PCM1: variants seen among roughly 807,000 people sequenced by gnomAD.
PCM1 encodes the protein pericentriolar material 1, also known as pericentriolar material 1 protein.
In PCM1, 157 loss-of-function variants were observed where a neutral mutation model predicts 241.9. The observed-to-expected ratio is 0.65, with a 90% CI of 0.57 to 0.74. PCM1 has a LOEUF of 0.74. Among genes scored for constraint, PCM1 ranks in the 30% least tolerant of loss-of-function variants. The probability of loss-of-function intolerance (pLI) is 0.00; values close to 1 mark genes in which losing one functional copy is unlikely to be tolerated. For synonymous variants in PCM1, 1,085 were observed against 784.9 expected (o/e 1.38, Z -6.39); for missense variants, 3,478 against 2,360.1 (o/e 1.47, Z -9.81).
chr8:17,998,676 G>A (rs975382112), intron 29 of PCM1, among the ~76,000 whole-genome samples: 8 of 152,096 alleles, frequency 5.3e-5, no homozygotes, highest in Non-Finnish European at 1.2e-4. Context: ...CCTGACTACC[G>A]CCTAAATTTG....
At chr8:17,946,548 G>A (rs1421228660) in intron 6 of PCM1, among the ~76,000 whole-genome samples, 1 of 151,542 alleles carries the variant, frequency 6.6e-6, no homozygotes, top group Admixed American at 6.6e-5. Flanking sequence ...CCAGGCTGGA[G>A]TGCAATGGTG....
chr8:17,973,535 A>C (rs2077571752), intron 23 of PCM1, among the ~76,000 whole-genome samples: 1 of 152,076 alleles, frequency 6.6e-6, no homozygotes, highest in Non-Finnish European at 1.5e-5. Flanking sequence ...CCTGACCAAC[A>C]TGGTGAAACC....
intron 19 of PCM1, 52 bp from the exon 20 acceptor site, chr8:17,966,276 C>T: frequency 6.8e-6 from 11 of 1,606,382 alleles, no homozygotes; most frequent in Non-Finnish European, 9.4e-6. Context: ...TGAAGCAATA[C>T]AAATTTTTCT....
chr8:18,006,505 C>T (rs1183634315), intron 30 of PCM1, 108 bp downstream of exon 30: 7 of 698,180 alleles, frequency 1.0e-5, no homozygotes, highest in Non-Finnish European at 1.8e-5. Flanking sequence ...TTCTGGTGGA[C>T]ATCCAATCTA....
At chr8:17,979,541 C>CT (rs1177976548) in intron 23 of PCM1, among the ~76,000 whole-genome samples, 14 of 152,064 alleles carry the variant, frequency 9.2e-5, no homozygotes, top group Admixed American at 4.6e-4. Flanking sequence ...TAGTAGTACT[C>CT]TAAGTGTTTG....
intron 10 of PCM1, 48 bp downstream of exon 10, chr8:17,955,701 A>T: frequency 7.1e-7 from 1 of 1,406,916 alleles, no homozygotes; most frequent in South Asian, 1.2e-5. Flanking sequence ...TAATAGGGAT[A>T]AATTCTGTTT....
chr8:17,953,239 C>G (rs1227310814), intron 9 of PCM1, 53 bp downstream of exon 9: 6 of 831,442 alleles, frequency 7.2e-6, no homozygotes, highest in Non-Finnish European at 1.1e-5. Context: ...AGTATATATA[C>G]TGTCACATAA....
intron 20 of PCM1, 48 bp downstream of exon 20, chr8:17,966,521 A>G: frequency 6.4e-7 from 1 of 1,551,996 alleles, no homozygotes; most frequent in African/African-American, 1.4e-5. Context: ...GCTAACATTG[A>G]GCAGAGGTTT....
At chr8:17,957,919 A>G (rs139309679) in intron 13 of PCM1, 144 bp downstream of exon 13, 8 of 618,100 alleles carry the variant, frequency 1.3e-5, no homozygotes, top group East Asian at 2.8e-5. Flanking sequence ...AGCACTTTAC[A>G]TGCTGTATGT....
rs181811115 is a variant in PCM1 at position 17,952,750 on chromosome 8, C to A, written c.1072-220C>A. ...TTGGTGTCCCCAGGGGTCCTTGAAC[C>A]AATCCCTCATGGATACTGAGGGATG... is the stretch of plus-strand genomic sequence containing the variant. On this transcript the variant is annotated intron_variant, in intron 8 of 38. Transcript: ENST00000325083. Among the ~76,000 whole-genome samples, 634 of 152,132 alleles carry A rather than the reference C, an allele frequency of 4.2e-3. 4 individuals are homozygous for A. Among genetic ancestry groups the A allele is most frequent in the South Asian group, 0.02 (95 of 4,816 alleles).
Position 17,937,190 on chromosome 8 carries a change from G to A in PCM1, c.153G>A (p.Lys51=), listed in dbSNP as rs372651653. Residue 51 remains lysine (K), a synonymous_variant, in exon 4 of 39, where the codon AAG becomes AAA. Transcript: ENST00000325083. ...ANRSSEKNKK[K]FGVESDKRVT... The stretch of plus-strand genomic sequence containing the variant: ...GATCATCAGAAAAGAATAAGAAAAA[G>A]TTTGGTGTAGAAAGTGATAAAAGAG... 3 of 1,595,116 alleles carry A rather than the reference G, an allele frequency of 1.9e-6. No individual in the cohort carries two copies. The highest frequency in any genetic ancestry group is 1.7e-4 in the Middle Eastern group (1 of 6,038).
At chr8:17,985,932 A>G (rs2082428714) in intron 25 of PCM1, 27 bp from the exon 26 acceptor site, 1 of 1,397,144 alleles carries the variant, frequency 7.2e-7, no homozygotes, top group East Asian at 2.4e-5. Flanking sequence ...TGTTTTATAT[A>G]AATGATGATC....
At chr8:18,015,280 CTCATGATAGTA>C (rs2093026176) in intron 36 of PCM1, among the ~76,000 whole-genome samples, 1 of 150,696 alleles carries the variant, frequency 6.6e-6, no homozygotes, top group Admixed American at 6.6e-5. Flanking sequence ...GAAATCTGTA[CTCATGATAGTA>C]CTTACTAAAT....
intron 6 of PCM1, chr8:17,940,198 G>T (rs932099700): frequency 4.6e-6 from 5 of 1,076,914 alleles, no homozygotes; most frequent in Non-Finnish European, 6.8e-6. Context: ...GGAAATGAAG[G>T]TTTAAATTTT....
chr8:17,993,283 A>G (rs747062475), intron 28 of PCM1, among the ~76,000 whole-genome samples, 200 bp from the exon 29 acceptor site: 3 of 152,128 alleles, frequency 2.0e-5, no homozygotes, highest in Non-Finnish European at 2.9e-5. Flanking sequence ...TATGTAAAAA[A>G]TTTAAATATG....
chr8:18,023,462 A>G (rs2093922328), intron 36 of PCM1, among the ~76,000 whole-genome samples: 1 of 152,100 alleles, frequency 6.6e-6, no homozygotes, highest in South Asian at 2.1e-4. Flanking sequence ...TACTTTCGAT[A>G]CTCTTCAAGC....
intron 36 of PCM1, among the ~76,000 whole-genome samples, chr8:18,021,026 A>G (rs2093706510): frequency 6.6e-6 from 1 of 152,322 alleles, no homozygotes; most frequent in East Asian, 1.9e-4. Context: ...CAAGTCTGAA[A>G]TTGACAAAAT....
intron 23 of PCM1, among the ~76,000 whole-genome samples, chr8:17,977,783 T>A (rs1343359649): frequency 6.6e-6 from 1 of 152,166 alleles, no homozygotes; most frequent in Non-Finnish European, 1.5e-5. Flanking sequence ...ATTGTCTTGA[T>A]GAGGGACTGA....
At chr8:18,023,234 A>G (rs189233369) in intron 36 of PCM1, among the ~76,000 whole-genome samples, 2 of 152,332 alleles carry the variant, frequency 1.3e-5, no homozygotes, top group East Asian at 1.9e-4. Flanking sequence ...ATGACCAGAT[A>G]TGACTCTTTA....
Sources: gnomAD v4.1 joint callset for allele counts (sites outside exome capture counted in the v4.1 genomes callset) on GRCh38, gnomAD v4.1.1 for gene constraint, MANE v1.5 for transcripts, NCBI Gene and HGNC (gene_info 2026-07-23, HGNC 2026-07-21) for gene names.